The following ABHD16A variants were observed in gnomAD, a reference collection of about 807,000 sequenced individuals.
ABHD16A encodes the protein abhydrolase domain containing 16A, phospholipase.
Under a neutral mutation model 89.8 loss-of-function variants are expected in ABHD16A, and 47 were observed. The observed-to-expected ratio is 0.52, with a 90% CI of 0.41 to 0.67. The LOEUF is 0.67. Among genes scored for constraint, ABHD16A ranks in the 30% least tolerant of loss-of-function variants. The pLI, the probability that ABHD16A is intolerant of heterozygous loss-of-function variation, is 0.00. For missense variants in ABHD16A, 580 were observed against 734.6 expected (o/e 0.79, Z 2.43); for synonymous variants, 251 against 280.4 (o/e 0.90, Z 1.05).
At chr6:31,700,876 A>T (rs1411789199) in intron 4 of ABHD16A, 66 bp downstream of exon 4, 1 of 1,365,408 alleles carries the variant, frequency 7.3e-7, no homozygotes, top group African/African-American at 1.4e-5. Flanking sequence ...TATTTGCACA[A>T]GGTACTTAAT....
intron 5 of ABHD16A, among the ~76,000 whole-genome samples, chr6:31,694,228 A>T (rs1804172138): frequency 6.6e-6 from 1 of 151,500 alleles, no homozygotes. Flanking sequence ...GCTAATTTTT[A>T]AAATTTTCTT....
At chr6:31,692,175 G>T (rs1181774404) in intron 7 of ABHD16A, 22 of 420,870 alleles carry the variant, frequency 5.2e-5, no homozygotes, top group Non-Finnish European at 8.9e-5. Flanking sequence ...ACAGAATTCT[G>T]AGAGTTTTAT....
rs1804053876 is a variant in ABHD16A at position 31,693,068 on chromosome 6, G to A, written c.585C>T (p.Thr195=). ...PEPLHRGTAD[T]LLNRVKKLPC... ...GCAGCTTCTTAACCCGGTTGAGGAGGGTGTCTGCTGTCCCCCGGTGCAGGG... is the reference window on the plus strand; with the variant it reads ...GCAGCTTCTTAACCCGGTTGAGGAGAGTGTCTGCTGTCCCCCGGTGCAGGG... The change falls in exon 7 of 20, where the codon ACC becomes ACT. Residue 195 remains threonine, a synonymous_variant. Coordinates refer to ENST00000395952, the MANE Select transcript of ABHD16A (RefSeq NM_021160.3). The surrounding 1 kb of genome is among the most constrained non-coding windows in gnomAD (Gnocchi z 5.0). 6.2e-7 allele frequency: 1 copy of A among 1,614,024 alleles called. No homozygotes were observed. Among genetic ancestry groups the A allele is most frequent in the Non-Finnish European group, 8.5e-7 (1 of 1,180,024 alleles).
At chr6:31,691,720 G>A in intron 8 of ABHD16A, 40 bp from the exon 9 acceptor site, 1 of 1,369,848 alleles carries the variant, frequency 7.3e-7, no homozygotes, top group Non-Finnish European at 1.0e-6. Flanking sequence ...GCAAGGGTCA[G>A]GAGGCCACAT....
Position 31,698,829 on chromosome 6 carries a change from C to T in ABHD16A, c.344-1796G>A, listed in dbSNP as rs9267540. 0.099 allele frequency among the ~76,000 whole-genome samples: 15,102 copies of T among 152,106 alleles called. 899 individuals are homozygous for T. Among genetic ancestry groups the T allele is most frequent in the African/African-American group, 0.15 (6,395 of 41,450 alleles). ...AGGCAGAAGGTCCTGGACCCAACTG[C>T]GACCATCCAGCCCTGACCCCACCAC... On this transcript the variant is annotated intron_variant, in intron 4 of 19. Transcript: ENST00000395952. The surrounding 1 kb of genome is among the most constrained non-coding windows in gnomAD (Gnocchi z 4.1).
In ABHD16A at chr6:31,687,439, C is replaced by A. The variant is rs1583661727; in HGVS notation, c.1593+59G>T. The A allele has an allele frequency of 3.1e-6, 5 of 1,607,792 alleles. No homozygotes were observed. The highest frequency in any genetic ancestry group is 4.3e-6 in the Non-Finnish European group (5 of 1,175,290). On this transcript the variant is annotated intron_variant, in intron 19 of 19. Transcript: ENST00000395952. This position sits in a 1 kb window ranked among gnomAD's most constrained non-coding sequence, Gnocchi z 6.3. ...CCAATGCTTATAGGGTATCCCCAGTCCCCCTATGTGAGCCCTGGCCATTCA... is the reference window on the plus strand; with the variant it reads ...CCAATGCTTATAGGGTATCCCCAGTACCCCTATGTGAGCCCTGGCCATTCA...
intron 5 of ABHD16A, among the ~76,000 whole-genome samples, chr6:31,694,719 C>T (rs960227697): frequency 1.3e-5 from 2 of 152,006 alleles, no homozygotes; most frequent in African/African-American, 4.8e-5. Flanking sequence ...TGACTATATT[C>T]GTCCCCCACC....
At chr6:31,700,410 CA>C (rs1804844471) in intron 4 of ABHD16A, among the ~76,000 whole-genome samples, 1 of 152,232 alleles carries the variant, frequency 6.6e-6, no homozygotes, top group South Asian at 2.1e-4. Context: ...AGGCATGAGC[CA>C]CCACACCCGG....
Position 31,688,682 on chromosome 6 carries a change from G to A in ABHD16A, c.1250+41C>T, listed in dbSNP as rs565029243. 3 of 1,607,860 alleles carry A rather than the reference G, an allele frequency of 1.9e-6. No homozygotes were observed. The highest frequency in any genetic ancestry group is 2.2e-5 in the East Asian group (1 of 44,856). ...GTTTGAGCGCCCAGCAGAGCTGTATGGGGGGCAGGTGTTCAATGCCGGACG... is the reference window on the plus strand; with the variant it reads ...GTTTGAGCGCCCAGCAGAGCTGTATAGGGGGCAGGTGTTCAATGCCGGACG... On this transcript the variant is annotated intron_variant, in intron 14 of 19. Transcript: ENST00000395952. The surrounding 1 kb of genome is among the most constrained non-coding windows in gnomAD (Gnocchi z 4.9).
rs2151248573 is a variant in ABHD16A, at chr6:31,698,191, C to CA, written c.344-1159dup. On this transcript the variant is annotated intron_variant, in intron 4 of 19. Transcript: ENST00000395952. This position sits in a 1 kb window ranked among gnomAD's most constrained non-coding sequence, Gnocchi z 4.1. ...AACTCTGAAATTAGAATTCATTTTACAATTGATGGCAGCTTAGACTTGAGG... is the reference window on the plus strand; with the variant it reads ...AACTCTGAAATTAGAATTCATTTTACAAATTGATGGCAGCTTAGACTTGAGG... 1.3e-5 allele frequency among the ~76,000 whole-genome samples: 2 copies of CA among 150,934 alleles called. No homozygotes were observed. The highest frequency in any genetic ancestry group is 3.9e-4 in the East Asian group (2 of 5,154).
At chr6:31,702,948 C>G (rs528878567) in intron 1 of ABHD16A, 83 of 1,292,810 alleles carry the variant, frequency 6.4e-5, no homozygotes, top group Non-Finnish European at 7.6e-5. Flanking sequence ...AATGAGAAAG[C>G]GGTAAAGAGC....
Position 31,693,236 on chromosome 6 carries a change from C to G in ABHD16A, c.504-87G>C. The G allele has an allele frequency of 1.3e-6, 2 of 1,586,506 alleles. No homozygotes were observed. Among genetic ancestry groups the G allele is most frequent in the Non-Finnish European group, 1.7e-6 (2 of 1,162,072 alleles). On this transcript the variant is annotated intron_variant, in intron 6 of 19. Transcript: ENST00000395952. This position sits in a 1 kb window ranked among gnomAD's most constrained non-coding sequence, Gnocchi z 5.0. ...TCTGGAGAACAGTGGGGTCTAGGAA[C>G]GACATAATGGCATTGGAAGGCAGGC...
Position 31,687,955 on chromosome 6 carries a change from C to G in ABHD16A, c.1371-55G>C, listed in dbSNP as rs1803466079. On this transcript the variant is annotated intron_variant, in intron 16 of 19. Coordinates refer to ENST00000395952, the MANE Select transcript of ABHD16A (RefSeq NM_021160.3). This position sits in a 1 kb window ranked among gnomAD's most constrained non-coding sequence, Gnocchi z 6.3. ...GCTGATTTTTTTTCATTCACCATCCCTGAACCTTCCTCCCTCCTTCCCTGT... is the reference window on the plus strand; with the variant it reads ...GCTGATTTTTTTTCATTCACCATCCGTGAACCTTCCTCCCTCCTTCCCTGT... The G allele has an allele frequency of 6.2e-7, 1 of 1,612,414 alleles. No individual in the cohort carries two copies. The highest frequency in any genetic ancestry group is 8.5e-7 in the Non-Finnish European group (1 of 1,179,858).
rs1305142321 is a variant in ABHD16A, at chr6:31,693,471, CAG to C, written c.430-41_430-40del. 2.5e-6 allele frequency: 4 copies of C among 1,601,832 alleles called. No homozygotes were observed. The highest frequency in any genetic ancestry group is 1.1e-5 in the South Asian group (1 of 90,620). On this transcript the variant is annotated intron_variant, in intron 5 of 19. Transcript: ENST00000395952. The surrounding 1 kb of genome is among the most constrained non-coding windows in gnomAD (Gnocchi z 5.0). ...GAGAGGCAAAGGGGTACTGAGAACT[CAG>C]GGGAGGCTCTCCTACCCACCCTCAA... is the stretch of plus-strand genomic sequence containing the variant.
Position 31,689,129 on chromosome 6 carries a change from G to C in ABHD16A, c.1082-10C>G. The C allele has an allele frequency of 2.5e-6, 4 of 1,611,182 alleles. No individual in the cohort carries two copies. Among genetic ancestry groups the C allele is most frequent in the Non-Finnish European group, 3.4e-6 (4 of 1,178,198 alleles). Reference sequence around the variant, plus strand: ...ATGGCTGCCCACGTGGCTGGTACCAGGGCAGGGAAGAAGAGTAAGAACTGA... The same window carrying C: ...ATGGCTGCCCACGTGGCTGGTACCACGGCAGGGAAGAAGAGTAAGAACTGA... On this transcript the variant is annotated splice_polypyrimidine_tract_variant and intron_variant, in intron 12 of 19. Transcript: ENST00000395952.
Position 31,690,287 on chromosome 6 carries a change from G to A in ABHD16A, c.908-160C>T. 1 of 724,422 alleles carries A rather than the reference G, an allele frequency of 1.4e-6. No homozygotes were observed. The highest frequency in any genetic ancestry group is 2.3e-6 in the Non-Finnish European group (1 of 442,082). 44.9% of individuals were successfully genotyped at this position (724,422 alleles called of 1,614,324 possible). On this transcript the variant is annotated intron_variant, in intron 10 of 19. Transcript: ENST00000395952. The surrounding 1 kb of genome is among the most constrained non-coding windows in gnomAD (Gnocchi z 4.1). ...CACCAGAGGTTCTGAGGCAGCACAGGGAGCAGCATGTGATTGTGTGGGGTG... is the reference window on the plus strand; with the variant it reads ...CACCAGAGGTTCTGAGGCAGCACAGAGAGCAGCATGTGATTGTGTGGGGTG...
In ABHD16A at chr6:31,693,073, C is replaced by T. The variant is rs769049382; in HGVS notation, c.580G>A (p.Asp194Asn). Residue 194 changes from aspartate (D) to asparagine (N), a missense_variant, in exon 7 of 20, where the codon GAC becomes AAC. Asp to Asn is a conservative substitution (Grantham distance 23, BLOSUM62 1). Coordinates refer to ENST00000395952, the MANE Select transcript of ABHD16A (RefSeq NM_021160.3). The surrounding 1 kb of genome is among the most constrained non-coding windows in gnomAD (Gnocchi z 5.0). ...TTCTTAACCCGGTTGAGGAGGGTGT[C>T]TGCTGTCCCCCGGTGCAGGGGCTCT... ...RPEPLHRGTA[D>N]TLLNRVKKLP... 2 of 1,614,070 alleles carry T rather than the reference C, an allele frequency of 1.2e-6. No homozygotes were observed. Among genetic ancestry groups the T allele is most frequent in the Non-Finnish European group, 1.7e-6 (2 of 1,180,042 alleles).
At chr6:31,689,780 C>A in intron 11 of ABHD16A, 76 bp from the exon 12 acceptor site, 2 of 1,535,452 alleles carry the variant, frequency 1.3e-6, no homozygotes, top group East Asian at 2.3e-5. Flanking sequence ...ACGTGGACCC[C>A]TCCTGCAGCC....
rs552181842 is a variant in ABHD16A, at chr6:31,689,506, T to C, written c.1081+75A>G. ...TTCCTTGAGCCTCCACCCCACCCCA[T>C]TTCCCCACCTCTCCCGGGTGGGGCT... On this transcript the variant is annotated intron_variant, in intron 12 of 19. Coordinates refer to ENST00000395952, the MANE Select transcript of ABHD16A (RefSeq NM_021160.3). 3 of 1,453,448 alleles carry C rather than the reference T, an allele frequency of 2.1e-6. No individual in the cohort carries two copies. In the South Asian group the frequency reaches 4.3e-5, roughly 21 times the overall value. The allele number at this position is 1,453,448 out of a possible 1,614,324, so 90.0% of individuals were successfully genotyped here. A position where few individuals can be genotyped will look rare whatever the true frequency, so the allele number is the denominator to read the frequency against.
Sources: allele counts gnomAD v4.1 joint callset (sites outside exome capture counted in the v4.1 genomes callset), GRCh38; gene constraint gnomAD v4.1.1; non-coding constraint Gnocchi (gnomAD v3.1); transcripts MANE v1.5; gene names NCBI Gene and HGNC (gene_info 2026-07-23, HGNC 2026-07-21).